Variants in NOTCH2 observed in about 807,000 individuals in gnomAD.
NOTCH2 encodes notch receptor 2, also known as neurogenic locus notch homolog protein 2.
NOTCH2 carries 29 observed loss-of-function variants against 235.8 expected under a neutral mutation model. The ratio of observed to expected loss-of-function variants is 0.12; its 90% CI spans 0.09 to 0.17. The LOEUF is 0.17. Ranked by LOEUF, NOTCH2 falls within the 10% of genes least tolerant of loss-of-function variation. NOTCH2 has a pLI of 1.00. For synonymous variants in NOTCH2, 1,086 were observed against 1,141.5 expected, an observed-to-expected ratio of 0.95 and a Z score of 0.98; for missense variants, 2,285 against 3,150.2, an observed-to-expected ratio of 0.73 and a Z score of 6.57.
Position 119,926,611 on chromosome 1 carries a change from C to T in NOTCH2, c.3893G>A (p.Gly1298Asp). Residue 1298 changes from glycine to aspartate, a missense_variant and splice_region_variant, in exon 24 of 34, where the codon GGC becomes GAC. Gly to Asp is a moderately conservative substitution (Grantham distance 94, BLOSUM62 -1). This residue lies in a region of NOTCH2 where 1,173 missense variants were observed against 1,515.3 expected (regional missense o/e 0.77). Transcript: ENST00000256646. ...ATCGACGAAGGTTTCACAGTGCCGG[C>T]CTCAGAAAATAAAAAATAAAAAAGG... ...YLCVCRSAFT[G>D]RHCETFVDVC... 6.3e-7 allele frequency: 1 copy of T among 1,599,018 alleles called. No homozygotes were observed. The highest frequency in any genetic ancestry group is 1.1e-5 in the South Asian group (1 of 88,928).
intron 2 of NOTCH2, among the ~76,000 whole-genome samples, chr1:120,029,136 ATCT>A (rs1653991748): frequency 6.7e-6 from 1 of 149,056 alleles, no homozygotes. Context: ...ACATGCACAC[ATCT>A]TCCTCTCTCA....
At position 120,069,473 on chromosome 1, in the gene NOTCH2, C is replaced by G; in HGVS notation, c.-67G>C. On this transcript the variant is annotated 5_prime_UTR_variant, in exon 1 of 34. Transcript: ENST00000256646. ...GGGCAGATCCACATGGGGAGGGGGT[C>G]CCGATAGAGGAGCCCCACTCTCTCC... The G allele has an allele frequency of 4.7e-6, 7 of 1,504,536 alleles. No individual in the cohort carries two copies. The highest frequency in any genetic ancestry group is 4.5e-4 in the Middle Eastern group (2 of 4,420). The allele number at this position is 1,504,536 out of a possible 1,614,324, so 93.2% of individuals were successfully genotyped here. A position where few individuals can be genotyped will look rare whatever the true frequency, so the allele number is the denominator to read the frequency against.
Position 119,929,004 on chromosome 1 carries a change from G to A in NOTCH2, c.3864C>T (p.Tyr1288=). 1 of 1,614,170 alleles carries A rather than the reference G, an allele frequency of 6.2e-7. No individual in the cohort carries two copies. Among genetic ancestry groups the A allele is most frequent in the Non-Finnish European group, 8.5e-7 (1 of 1,180,024 alleles). ...SLDCIQLTND[Y]LCVCRSAFTG... ...TAAAGGCACTACGGCAAACACACAG[G>A]TAGTCATTGGTGAGCTGTATACAGT... Residue 1288 remains tyrosine, a synonymous_variant, in exon 23 of 34, where the codon TAC becomes TAT. Coordinates refer to ENST00000256646, the MANE Select transcript of NOTCH2 (RefSeq NM_024408.4).
chr1:119,979,863 G>T (rs947225691), intron 5 of NOTCH2, among the ~76,000 whole-genome samples: 1 of 151,998 alleles, frequency 6.6e-6, no homozygotes, highest in Non-Finnish European at 1.5e-5. Context: ...TCATCTTCGA[G>T]AGAAAGAAAT....
At position 119,948,672 on chromosome 1, in the gene NOTCH2, C is replaced by A. The variant is rs926293644; in HGVS notation, c.2600-106G>T. The A allele has an allele frequency of 7.8e-5, 105 of 1,343,312 alleles. No individual in the cohort carries two copies. The East Asian group carries it at 2.4e-3, about 31-fold the overall frequency. 83.2% of individuals were successfully genotyped at this position (1,343,312 alleles called of 1,614,324 possible). On this transcript the variant is annotated intron_variant, in intron 16 of 33. Coordinates refer to ENST00000256646, the MANE Select transcript of NOTCH2 (RefSeq NM_024408.4). The stretch of plus-strand genomic sequence containing the variant: ...GGGGTGCATGGAGCTATTCCACAGA[C>A]AAACTGGTTGGCCCCCTGCTTTAGG...
chr1:119,913,652 A>C lies in NOTCH2; in HGVS notation c.*1654T>G, dbSNP rs1291699701. The C allele has an allele frequency of 4.3e-6, 1 of 233,206 alleles. No individual in the cohort carries two copies. Among genetic ancestry groups the C allele is most frequent in the African/African-American group, 2.2e-5 (1 of 45,372 alleles). The allele number at this position is 233,206 out of a possible 1,614,324, so 14.4% of individuals were successfully genotyped here. On this transcript the variant is annotated 3_prime_UTR_variant, in exon 34 of 34. Transcript: ENST00000256646. ...GAAAGTCAAAGAAATTGCCAAGAGC[A>C]TGAATACAGAGAGTGGATTCAGGTG...
At chr1:119,932,485 G>A (rs1553195269) in intron 22 of NOTCH2, among the ~76,000 whole-genome samples, 1 of 152,144 alleles carries the variant, frequency 6.6e-6, no homozygotes, top group Non-Finnish European at 1.5e-5. Context: ...TACTCAGGGC[G>A]CTGAGGCAGG....
chr1:119,920,349 G>A lies in NOTCH2; in HGVS notation c.5359C>T (p.Arg1787Trp), dbSNP rs2101151577. 1 of 1,614,174 alleles carries A rather than the reference G, an allele frequency of 6.2e-7. No individual in the cohort carries two copies. Among genetic ancestry groups the A allele is most frequent in the Non-Finnish European group, 8.5e-7 (1 of 1,180,028 alleles). ...TCAAGGTGCTGCTGTGTCCATGGCC[G>A]TCGATCAATGGGGTCATCTTCTTCT... ...LSEEDDPIDR[R>W]PWTQQHLEAA... Residue 1787 changes from arginine to tryptophan, a missense_variant, in exon 30 of 34, where the codon CGG becomes TGG. By Grantham distance (101) the Arg-to-Trp change is moderately radical. Coordinates refer to ENST00000256646, the MANE Select transcript of NOTCH2 (RefSeq NM_024408.4).
chr1:119,964,264 T>A (rs782616805), intron 10 of NOTCH2, among the ~76,000 whole-genome samples: 9 of 152,206 alleles, frequency 5.9e-5, no homozygotes, highest in Non-Finnish European at 1.2e-4. Flanking sequence ...CTGAGAGTAG[T>A]ATGCATATAT....
chr1:119,925,171 TG>T, intron 25 of NOTCH2, 133 bp downstream of exon 25: 1 of 1,100,768 alleles, frequency 9.1e-7, no homozygotes, highest in Non-Finnish European at 1.4e-6. Context: ...CAGTGTGCGA[TG>T]GGACAAGGCT....
intron 10 of NOTCH2, among the ~76,000 whole-genome samples, 163 bp downstream of exon 10, chr1:119,965,290 A>G (rs1651093238): frequency 6.6e-6 from 1 of 152,226 alleles, no homozygotes; most frequent in Non-Finnish European, 1.5e-5. Context: ...GTGCTGCAGA[A>G]AAAGAGAGCA....
At chr1:120,002,309 A>T (rs1652789867) in intron 3 of NOTCH2, among the ~76,000 whole-genome samples, 1 of 149,654 alleles carries the variant, frequency 6.7e-6, no homozygotes, top group South Asian at 2.1e-4. Flanking sequence ...TGGCTGGGAC[A>T]TCAAGGCTAT....
intron 5 of NOTCH2, among the ~76,000 whole-genome samples, 172 bp from the exon 6 acceptor site, chr1:119,969,916 G>A (rs1316468189): frequency 6.6e-6 from 1 of 152,134 alleles, no homozygotes; most frequent in Non-Finnish European, 1.5e-5. Flanking sequence ...CCATCTAAAT[G>A]ATATTTTTTC....
chr1:120,010,399 T>C (rs1456235417), intron 2 of NOTCH2, among the ~76,000 whole-genome samples: 1 of 152,134 alleles, frequency 6.6e-6, no homozygotes, highest in African/African-American at 2.4e-5. Flanking sequence ...AATACAAGCA[T>C]GTAGCATGGT....
Position 119,937,977 on chromosome 1 carries a change from T to C in NOTCH2, c.3217A>G (p.Lys1073Glu), listed in dbSNP as rs782796321. Residue 1073 changes from lysine (K) to glutamate (E), a missense_variant, in exon 20 of 34, where the codon AAA becomes GAA. Lys to Glu is a moderately conservative substitution (Grantham distance 56). Coordinates refer to ENST00000256646, the MANE Select transcript of NOTCH2 (RefSeq NM_024408.4). ...LVNLCSRSPC[K>E]NKGTCVQKKA... is the part of the protein sequence containing the mutation. ...TTCTGAACGCAAGTACCTTTGTTTT[T>C]ACATGGAGACCGACTGCAGAGATTC... 10 of 1,614,188 alleles carry C rather than the reference T, an allele frequency of 6.2e-6. No homozygotes were observed. Among genetic ancestry groups the C allele is most frequent in the Non-Finnish European group, 8.5e-6 (10 of 1,180,030 alleles).
chr1:120,069,209 T>G, intron 1 of NOTCH2, 125 bp downstream of exon 1: 2 of 1,527,280 alleles, frequency 1.3e-6, no homozygotes, highest in South Asian at 2.4e-5. Context: ...ACCCAGCGAG[T>G]GGCCTCGCTC....
chr1:119,938,686 C>A (rs782058491), intron 19 of NOTCH2, among the ~76,000 whole-genome samples: 1 of 145,908 alleles, frequency 6.9e-6, no homozygotes, highest in Non-Finnish European at 1.5e-5. Flanking sequence ...TATATTCATT[C>A]TTTTTTTTTT....
intron 22 of NOTCH2, among the ~76,000 whole-genome samples, chr1:119,930,747 C>G (rs1236608851): frequency 2.6e-5 from 4 of 151,128 alleles, no homozygotes; most frequent in Admixed American, 2.6e-4. Context: ...CCACTGCACT[C>G]CAGCCTGGGC....
In NOTCH2 at chr1:119,923,808, C is replaced by T. The variant is rs767706572; in HGVS notation, c.4688G>A (p.Arg1563His). The change falls in exon 26 of 34, where the codon CGC (arginine) becomes CAC (histidine). Residue 1563 changes from arginine to histidine, a missense_variant. Transcript: ENST00000256646. The stretch of plus-strand genomic sequence containing the variant: ...GGTACCCAGTGCCCGCAAGAAGCTG[C>T]GAGCATCCTGGAGCAGTTGTTCAGG... The part of the protein sequence containing the change: ...MPPEQLLQDA[R>H]SFLRALGTLL... 37 of 1,614,030 alleles carry T rather than the reference C, an allele frequency of 2.3e-5. 1 individual carries two copies. Among genetic ancestry groups the T allele is most frequent in the East Asian group, 1.6e-4 (7 of 44,898 alleles).
Sources: gnomAD v4.1 joint callset for allele counts (sites outside exome capture counted in the v4.1 genomes callset) on GRCh38, gnomAD v4.1.1 for gene constraint, gnomAD v4.1.1 regional missense constraint, MANE v1.5 for transcripts, NCBI Gene and HGNC (gene_info 2026-07-23, HGNC 2026-07-21) for gene names.